VRK2: variants seen among roughly 807,000 people sequenced by gnomAD.
VRK2 encodes the protein serine/threonine-protein kinase VRK2.
In VRK2, 60 loss-of-function variants were observed where a neutral mutation model predicts 57.6. The observed-to-expected ratio is 1.04, with a 90% CI of 0.85 to 1.29. The LOEUF (loss-of-function observed/expected upper bound fraction) is 1.29, where lower values mean the gene tolerates loss of function less well. VRK2 is among the 50% of genes most tolerant of loss of function. The probability of loss-of-function intolerance (pLI) is 0.00; values close to 1 mark genes in which losing one functional copy is unlikely to be tolerated. For missense variants in VRK2, 705 were observed against 588.1 expected, an observed-to-expected ratio of 1.20 and a Z score of -2.06; for synonymous variants, 231 against 199.2, an observed-to-expected ratio of 1.16 and a Z score of -1.35.
chr2:58,005,822 G>C (rs756197243), intron 1 of VRK2, among the ~76,000 whole-genome samples: 1 of 152,148 alleles, frequency 6.6e-6, no homozygotes, highest in African/African-American at 2.4e-5. Flanking sequence ...AAATTCGAAT[G>C]AGTCTTCTTT....
At chr2:58,058,779 TCAG>T (rs996250349) in intron 2 of VRK2, among the ~76,000 whole-genome samples, 5 of 152,050 alleles carry the variant, frequency 3.3e-5, no homozygotes, top group African/African-American at 1.2e-4. Flanking sequence ...TTGAATCCTC[TCAG>T]CAGCTTAACT....
chr2:57,965,384 G>A (rs115209426), intron 1 of VRK2, among the ~76,000 whole-genome samples: 30 of 152,330 alleles, frequency 2.0e-4, no homozygotes, highest in Non-Finnish European at 4.3e-4. Flanking sequence ...CAGTAGAAGT[G>A]TAGAATGGGA....
intron 11 of VRK2, 116 bp downstream of exon 11, chr2:58,139,948 C>G: frequency 8.7e-7 from 1 of 1,146,208 alleles, no homozygotes; most frequent in Non-Finnish European, 1.2e-6. Context: ...TTATATTTAA[C>G]TCCCATTTTG....
At chr2:58,091,339 T>A (rs1270509862) in intron 7 of VRK2, among the ~76,000 whole-genome samples, 1 of 152,182 alleles carries the variant, frequency 6.6e-6, no homozygotes, top group East Asian at 1.9e-4. Flanking sequence ...TATTTTCCAC[T>A]CAGTTTTACC....
At chr2:58,045,531 A>G (rs1036464671), upstream of VRK2, among the ~76,000 whole-genome samples, 2 of 152,232 alleles carry the variant, frequency 1.3e-5, no homozygotes, top group African/African-American at 4.8e-5. Flanking sequence ...ATCTTAAGAA[A>G]ATAAGAAAGG....
chr2:58,032,309 G>T (rs1572805664), intron 2 of VRK2, among the ~76,000 whole-genome samples: 1 of 152,176 alleles, frequency 6.6e-6, no homozygotes, highest in South Asian at 2.1e-4. Context: ...ATAAACAAAA[G>T]ATTTATTTCT....
rs530483591 is a variant in VRK2, at chr2:58,101,285, A to C, written c.543+11562A>C. On this transcript the variant is annotated intron_variant, in intron 7 of 12. Transcript: ENST00000340157. The stretch of plus-strand genomic sequence containing the variant: ...TGAAAATTTTTAAACATACTGAAAA[A>C]TAGAGAACTCCATATGACTATCACT... Among the ~76,000 whole-genome samples the C allele has an allele frequency of 5.9e-5, 9 of 151,876 alleles. No homozygotes were observed. The East Asian group carries it at 1.7e-3, about 29-fold the overall frequency.
At chr2:58,071,613 A>G (rs1034041207) in intron 2 of VRK2, among the ~76,000 whole-genome samples, 2 of 151,958 alleles carry the variant, frequency 1.3e-5, no homozygotes, top group Non-Finnish European at 2.9e-5. Context: ...ATTTGACTAT[A>G]TCGGGTCTAT....
chr2:58,031,068 T>C (rs1156728143), intron 2 of VRK2, among the ~76,000 whole-genome samples: 2 of 152,096 alleles, frequency 1.3e-5, no homozygotes, highest in Non-Finnish European at 2.9e-5. Context: ...ATTTTCCCTG[T>C]GCCCTTTTCA....
At chr2:58,076,349 A>G (rs568916354) in intron 2 of VRK2, among the ~76,000 whole-genome samples, 31 of 152,094 alleles carry the variant, frequency 2.0e-4, no homozygotes, top group African/African-American at 6.3e-4. Flanking sequence ...TTAGCCTACA[A>G]TTGGGCAAAA....
chr2:58,013,001 G>A (rs1673459018), intron 1 of VRK2, among the ~76,000 whole-genome samples: 2 of 152,120 alleles, frequency 1.3e-5, no homozygotes, highest in Non-Finnish European at 2.9e-5. Flanking sequence ...TTGGAAGAAG[G>A]AGGCTTGTAA....
At chr2:57,928,693 A>C (rs1371583685) in intron 1 of VRK2, among the ~76,000 whole-genome samples, 1 of 152,064 alleles carries the variant, frequency 6.6e-6, no homozygotes, top group African/African-American at 2.4e-5. Context: ...AGGCTTTCTC[A>C]GTATTCAGTA....
At chr2:57,978,635 CT>C (rs1243598089) in intron 1 of VRK2, among the ~76,000 whole-genome samples, 33 of 145,314 alleles carry the variant, frequency 2.3e-4, no homozygotes, top group South Asian at 4.4e-4. Flanking sequence ...GGCCAAGTAT[CT>C]TTTTTTTTTT....
chr2:58,088,392 A>T lies in VRK2; in HGVS notation c.396A>T (p.Ser132=). ...TAGGAATAGATTTACAGAAGATCTCAGGCCAGAATGGTACCTTTAAAAAGT... is the reference window on the plus strand; with the variant it reads ...TAGGAATAGATTTACAGAAGATCTCTGGCCAGAATGGTACCTTTAAAAAGT... The part of the protein sequence containing the change: ...ERLGIDLQKI[S]GQNGTFKKST... The change falls in exon 6 of 13, where the codon TCA becomes TCT. Residue 132 remains serine, a synonymous_variant. Transcript: ENST00000340157. 1 of 1,613,474 alleles carries T rather than the reference A, an allele frequency of 6.2e-7. No homozygotes were observed. The highest frequency in any genetic ancestry group is 1.1e-5 in the South Asian group (1 of 90,958).
chr2:58,118,442 T>C (rs1233037818), intron 7 of VRK2, among the ~76,000 whole-genome samples: 1 of 152,038 alleles, frequency 6.6e-6, no homozygotes, highest in Admixed American at 6.5e-5. Context: ...ATGAAAGGAA[T>C]TGAAATTAAG....
intron 1 of VRK2, among the ~76,000 whole-genome samples, chr2:57,951,932 T>C (rs1007247660): frequency 2.5e-4 from 37 of 150,224 alleles, no homozygotes; most frequent in African/African-American, 8.3e-4. Flanking sequence ...TCCTTTTTTT[T>C]TTTTTTTTTT....
chr2:58,137,365 A>G (rs1225222062), intron 10 of VRK2, among the ~76,000 whole-genome samples: 1 of 151,264 alleles, frequency 6.6e-6, no homozygotes, highest in African/African-American at 2.4e-5. Flanking sequence ...TGAATTGTAC[A>G]AGACAAATGC....
chr2:58,097,811 T>C (rs1044708136), intron 7 of VRK2, among the ~76,000 whole-genome samples: 3 of 151,948 alleles, frequency 2.0e-5, no homozygotes, highest in Admixed American at 6.5e-5. Flanking sequence ...TAGTACTTGA[T>C]AATGATAATA....
At chr2:58,085,089 C>T (rs753589346) in intron 4 of VRK2, 139 bp downstream of exon 4, 1 of 691,636 alleles carries the variant, frequency 1.4e-6, no homozygotes, top group African/African-American at 1.8e-5. Flanking sequence ...TTAACTGTTA[C>T]AACATATAAA....
Sources: allele counts gnomAD v4.1 joint callset (sites outside exome capture counted in the v4.1 genomes callset), GRCh38; gene constraint gnomAD v4.1.1; transcripts MANE v1.5; gene names NCBI Gene and HGNC (gene_info 2026-07-23, HGNC 2026-07-21).